Variants in BNIP1 observed in about 807,000 individuals in gnomAD.
The protein encoded by BNIP1 is vesicle transport protein SEC20.
In BNIP1, 25 loss-of-function variants were observed where a neutral mutation model predicts 28.5. The ratio of observed to expected loss-of-function variants is 0.88; its 90% confidence interval spans 0.64 to 1.23. The LOEUF is 1.23. BNIP1 is among the 50% of genes most tolerant of loss of function. The probability of loss-of-function intolerance (pLI) is 0.00; values close to 1 mark genes in which losing one functional copy is unlikely to be tolerated. For synonymous variants in BNIP1, 118 were observed against 101.7 expected, an observed-to-expected ratio of 1.16 and a Z score of -0.96; for missense variants, 276 against 277.0, an observed-to-expected ratio of 1.00 and a Z score of 0.02.
At chr5:173,144,812 TC>T (rs1179232396) in intron 1 of BNIP1, 183 bp downstream of exon 1, 11 of 584,004 alleles carry the variant, frequency 1.9e-5, no homozygotes, top group African/African-American at 1.7e-4. Context: ...CTGGCCTTGA[TC>T]CTTTTTCCGG....
rs1561593547 is a variant in BNIP1 at position 173,148,135 on chromosome 5, TA to T, written c.177+1178del. On this transcript the variant is annotated intron_variant, in intron 2 of 5. Coordinates refer to ENST00000351486, the MANE Select transcript of BNIP1 (RefSeq NM_001205.3). ...ATATATATATATATATATATATATA[TA>T]TTTTAATAGAGATGGATTTTTTGCT... 9.8e-5 allele frequency among the ~76,000 whole-genome samples: 11 copies of T among 112,064 alleles called. No homozygotes were observed. In the South Asian group the frequency reaches 1.3e-3, roughly 13 times the overall value. 73.5% of individuals were successfully genotyped at this position (112,064 alleles called of 152,430 possible).
chr5:173,144,897 G>A (rs5745103), intron 1 of BNIP1: 15,010 of 411,272 alleles, frequency 0.036, 407 homozygotes, highest in East Asian at 0.082. Context: ...TTCGGGGCTC[G>A]GCTTTGCCCC....
intron 3 of BNIP1, among the ~76,000 whole-genome samples, chr5:173,155,966 G>C (rs1253346202): frequency 6.6e-6 from 1 of 152,152 alleles, no homozygotes; most frequent in African/African-American, 2.4e-5. Flanking sequence ...GCCTCTGCCA[G>C]ATCTGTATTT....
chr5:173,145,049 A>T lies in BNIP1; in HGVS notation c.84+420A>T, dbSNP rs1024248514. 1.8e-5 allele frequency: 3 copies of T among 164,142 alleles called. No homozygotes were observed. In the South Asian group the frequency reaches 4.5e-4, roughly 25 times the overall value. The allele number at this position is 164,142 out of a possible 1,614,324, so 10.2% of individuals were successfully genotyped here. A position where few individuals can be genotyped will look rare whatever the true frequency, so the allele number is the denominator to read the frequency against. The stretch of plus-strand genomic sequence containing the variant: ...CAGCTAGCCCCGCCCCCTGCTGGCC[A>T]GCTCTCCTGGCATCCAAGGCCACCT... On this transcript the variant is annotated intron_variant, in intron 1 of 5. Coordinates refer to ENST00000351486, the MANE Select transcript of BNIP1 (RefSeq NM_001205.3).
At chr5:173,159,241 G>A (rs1760292978) in intron 4 of BNIP1, among the ~76,000 whole-genome samples, 1 of 152,038 alleles carries the variant, frequency 6.6e-6, no homozygotes, top group Non-Finnish European at 1.5e-5. Context: ...GTTTAACCAC[G>A]TTGGCCAGGC....
In BNIP1 at chr5:173,154,396, C is replaced by CA. The variant is rs1272632554; in HGVS notation, c.257dup (p.Gln87AlafsTer13). ...TTCTACTCCAGGAAGTGGAGAATCA[C>CA]AAAAAGCAGATGCTCAGGTAGGCAG... On this transcript the variant is annotated frameshift_variant, in exon 3 of 6. Coordinates refer to ENST00000351486, the MANE Select transcript of BNIP1 (RefSeq NM_001205.3). LOFTEE classifies it high-confidence loss of function. 6.2e-7 allele frequency: 1 copy of CA among 1,613,472 alleles called. No homozygotes were observed. Among genetic ancestry groups the CA allele is most frequent in the Non-Finnish European group, 8.5e-7 (1 of 1,179,670 alleles).
chr5:173,150,159 G>A (rs1341504042), intron 2 of BNIP1, among the ~76,000 whole-genome samples: 3 of 151,834 alleles, frequency 2.0e-5, no homozygotes, highest in African/African-American at 7.3e-5. Flanking sequence ...TTGGGTGGCT[G>A]AGGCATGAGA....
At chr5:173,148,087 T>A (rs1362282734) in intron 2 of BNIP1, among the ~76,000 whole-genome samples, 1,347 of 23,862 alleles carry the variant, frequency 0.056, 168 homozygotes, top group East Asian at 0.14. Flanking sequence ...AAAAAAAATA[T>A]ATATATATAT....
At chr5:173,160,956 A>G (rs1449346572) in intron 5 of BNIP1, 4 of 417,726 alleles carry the variant, frequency 9.6e-6, no homozygotes, top group African/African-American at 4.2e-5. Context: ...GTCCTTCAGT[A>G]TAAGACAACA....
chr5:173,158,910 A>T, intron 4 of BNIP1, 65 bp downstream of exon 4: 2 of 1,260,192 alleles, frequency 1.6e-6, no homozygotes, highest in Non-Finnish European at 2.2e-6. Flanking sequence ...GGTGTAGGAA[A>T]CCCCCTCTTG....
At chr5:173,148,370 GA>G (rs755426069) in intron 2 of BNIP1, among the ~76,000 whole-genome samples, 38 of 151,806 alleles carry the variant, frequency 2.5e-4, no homozygotes, top group Non-Finnish European at 4.7e-4. Context: ...CTGCTGAGAG[GA>G]AACACGTATG....
rs2113857435 is a variant in BNIP1 at position 173,158,790 on chromosome 5, AT to A, written c.317del (p.Ile106ThrfsTer4). ...RKANLTCKIA[I>X]DNLEKAELLQ... ...AGCTAATCTCACCTGCAAAATTGCA[AT>A]CGACAATCTAGAGAAAGCAGAACTT... On this transcript the variant is annotated frameshift_variant, in exon 4 of 6. Coordinates refer to ENST00000351486, the MANE Select transcript of BNIP1 (RefSeq NM_001205.3). LOFTEE classifies it high-confidence loss of function. 6.2e-7 allele frequency: 1 copy of A among 1,614,194 alleles called. No homozygotes were observed. The highest frequency in any genetic ancestry group is 2.2e-5 in the East Asian group (1 of 44,880).
At position 173,159,991 on chromosome 5, in the gene BNIP1, G is replaced by C. The variant is rs982602564; in HGVS notation, c.430G>C (p.Gly144Arg). 5 of 1,613,990 alleles carry C rather than the reference G, an allele frequency of 3.1e-6. No individual in the cohort carries two copies. The African/African-American group carries it at 6.7e-5, about 22-fold the overall frequency. Residue 144 changes from glycine to arginine, a missense_variant, in exon 5 of 6, where the codon GGG becomes CGG. By Grantham distance (125) the Gly-to-Arg change is moderately radical. Coordinates refer to ENST00000351486, the MANE Select transcript of BNIP1 (RefSeq NM_001205.3). ...CAGTACCATCACTGAGAGCCTCATG[G>C]GGATCAGCAGGATGATGGCCCAGCA... ...TSSTITESLM[G>R]ISRMMAQQVQ... is the part of the protein sequence containing the mutation.
chr5:173,157,635 G>A (rs1760238373), intron 3 of BNIP1, among the ~76,000 whole-genome samples: 1 of 151,974 alleles, frequency 6.6e-6, no homozygotes, highest in Non-Finnish European at 1.5e-5. Context: ...GGCTGGTCTC[G>A]AACTCCTGAC....
intron 2 of BNIP1, among the ~76,000 whole-genome samples, chr5:173,148,192 G>T (rs1324598533): frequency 3.6e-5 from 5 of 138,592 alleles, no homozygotes; most frequent in African/African-American, 1.4e-4. Flanking sequence ...TTAAACTCCT[G>T]GGCTCAAGCA....
intron 1 of BNIP1, chr5:173,144,912 A>C (rs1051969519): frequency 1.4e-5 from 5 of 361,762 alleles, no homozygotes; most frequent in African/African-American, 8.5e-5. Context: ...TGCCCCTTCC[A>C]CCTGCAGCCC....
rs940780544 is a variant in BNIP1, at chr5:173,160,009, G to T, written c.448G>T (p.Ala150Ser). The T allele has an allele frequency of 1.9e-6, 3 of 1,613,956 alleles. No homozygotes were observed. The African/African-American group carries it at 4.0e-5, about 22-fold the overall frequency. The change falls in exon 5 of 6, where the codon GCC becomes TCC. Residue 150 changes from alanine to serine, a missense_variant. Coordinates refer to ENST00000351486, the MANE Select transcript of BNIP1 (RefSeq NM_001205.3). ...CCTCATGGGGATCAGCAGGATGATG[G>T]CCCAGCAGGTCCAGCAGAGCGAGGA... is the stretch of plus-strand genomic sequence containing the variant. The part of the protein sequence containing the change: ...ESLMGISRMM[A>S]QQVQQSEEAM...
chr5:173,156,966 A>G (rs1760216898), intron 3 of BNIP1, among the ~76,000 whole-genome samples: 1 of 151,924 alleles, frequency 6.6e-6, no homozygotes, highest in Admixed American at 6.6e-5. Context: ...TCTCAAAAAA[A>G]AAACAAAAAA....
At chr5:173,156,473 T>C (rs1760188317) in intron 3 of BNIP1, among the ~76,000 whole-genome samples, 1 of 150,084 alleles carries the variant, frequency 6.7e-6, no homozygotes, top group African/African-American at 2.5e-5. Context: ...CAAAACCTCA[T>C]CTATTAAAAA....
Sources: allele counts gnomAD v4.1 joint callset (sites outside exome capture counted in the v4.1 genomes callset), GRCh38; gene constraint gnomAD v4.1.1; transcripts MANE v1.5; gene names NCBI Gene and HGNC (gene_info 2026-07-23, HGNC 2026-07-21).